The following SPRED2 variants were observed in gnomAD, a reference collection of about 807,000 sequenced individuals.
SPRED2 encodes the protein sprouty-related, EVH1 domain-containing protein 2.
Under a neutral mutation model 43.0 loss-of-function variants are expected in SPRED2, and 47 were observed. That is an observed-to-expected ratio of 1.09 (90% CI 0.87 to 1.40). SPRED2 has a LOEUF of 1.40. SPRED2 is among the 40% of genes most tolerant of loss of function. The pLI is 0.00. For missense variants in SPRED2, 561 were observed against 586.4 expected (o/e 0.96, Z 0.45); for synonymous variants, 225 against 225.7 (o/e 1.00, Z 0.03).
rs534505327 is a variant in SPRED2, at chr2:65,359,045, G to T, written c.27-14149C>A. 3.3e-5 allele frequency among the ~76,000 whole-genome samples: 5 copies of T among 152,326 alleles called. No individual in the cohort carries two copies. The East Asian group carries it at 9.6e-4, about 29-fold the overall frequency. ...TGGCTCTAAAAGGATCCGTACTGAT[G>T]TTATTTTACAAATCCCAACTTAAGT... On this transcript the variant is annotated intron_variant, in intron 1 of 5. Transcript: ENST00000356388.
chr2:65,324,672 G>A (rs1673550703), intron 4 of SPRED2, among the ~76,000 whole-genome samples: 1 of 152,162 alleles, frequency 6.6e-6, no homozygotes, highest in Non-Finnish European at 1.5e-5. Context: ...CCTTCTTCAT[G>A]TAGAAGGCCA....
intron 1 of SPRED2, among the ~76,000 whole-genome samples, chr2:65,348,150 G>A (rs76558438): frequency 0.019 from 2,955 of 152,244 alleles, 89 homozygotes; most frequent in African/African-American, 0.067. Context: ...TGCACTTGCT[G>A]TTTCTTCTGT....
chr2:65,345,259 G>GTTTTTTTTTTTTTTTT (rs66991368), intron 1 of SPRED2, among the ~76,000 whole-genome samples: 9 of 111,366 alleles, frequency 8.1e-5, no homozygotes, highest in East Asian at 7.1e-4. Context: ...TTTAGTTGTT[G>GTTTTTTTTTTTTTTTT]TTTTTTTTTT....
chr2:65,367,533 A>C (rs1240410821), intron 1 of SPRED2, among the ~76,000 whole-genome samples: 1 of 152,054 alleles, frequency 6.6e-6, no homozygotes, highest in Non-Finnish European at 1.5e-5. Flanking sequence ...GCACTTTTCT[A>C]GTTAGGTATA....
intron 1 of SPRED2, among the ~76,000 whole-genome samples, chr2:65,351,125 G>A (rs1019567700): frequency 9.9e-5 from 15 of 152,264 alleles, no homozygotes; most frequent in Admixed American, 7.8e-4. Flanking sequence ...AGTGGGTTTC[G>A]ACTGCCTGCC....
In SPRED2 at chr2:65,311,279, C is replaced by A. The variant is rs1009089767; in HGVS notation, c.*2222G>T. On this transcript the variant is annotated 3_prime_UTR_variant, in exon 6 of 6. Transcript: ENST00000356388. ...ATTAGAGACGTATTTACATAAATGT[C>A]CCCATGGCTGTCTTTGTGCCCTTAA... is the stretch of plus-strand genomic sequence containing the variant. The A allele has an allele frequency of 1.3e-5, 13 of 985,732 alleles. No individual in the cohort carries two copies. Among genetic ancestry groups the A allele is most frequent in the Middle Eastern group, 1.0e-3 (2 of 1,936 alleles). The allele number at this position is 985,732 out of a possible 1,614,324, so 61.1% of individuals were successfully genotyped here. A position where few individuals can be genotyped will look rare whatever the true frequency, so the allele number is the denominator to read the frequency against.
chr2:65,428,045 G>C (rs1007756313), intron 1 of SPRED2, among the ~76,000 whole-genome samples: 2 of 152,156 alleles, frequency 1.3e-5, no homozygotes, highest in Non-Finnish European at 2.9e-5. Flanking sequence ...TTGCTGTCTC[G>C]GGCAACTAAC....
intron 1 of SPRED2, among the ~76,000 whole-genome samples, chr2:65,381,093 A>G (rs1185044404): frequency 6.6e-6 from 1 of 152,282 alleles, no homozygotes; most frequent in Middle Eastern, 3.4e-3. Flanking sequence ...GGTCAAACCA[A>G]ATAGGCAGCC....
chr2:65,404,482 A>C (rs1479067917), intron 1 of SPRED2, among the ~76,000 whole-genome samples: 1 of 152,240 alleles, frequency 6.6e-6, no homozygotes, highest in Non-Finnish European at 1.5e-5. Context: ...CAGTCTCAGT[A>C]ATGAGTTTCT....
intron 1 of SPRED2, chr2:65,380,505 T>C (rs1675347866): frequency 6.6e-6 from 1 of 152,176 alleles, no homozygotes; most frequent in African/African-American, 2.4e-5. Flanking sequence ...AAAAATTCCA[T>C]CCTTACTGTT....
At chr2:65,392,355 T>C (rs1046351049) in intron 1 of SPRED2, among the ~76,000 whole-genome samples, 3 of 151,916 alleles carry the variant, frequency 2.0e-5, no homozygotes, top group Non-Finnish European at 2.9e-5. Context: ...ATTTTAATTT[T>C]TGTAGAGACA....
In SPRED2 at chr2:65,388,732, C is replaced by A. The variant is rs933288308; in HGVS notation, c.26+43230G>T. Among the ~76,000 whole-genome samples, 11 of 151,974 alleles carry A rather than the reference C, an allele frequency of 7.2e-5. No individual in the cohort carries two copies. The East Asian group carries it at 1.2e-3, about 16-fold the overall frequency. Reference sequence around the variant, plus strand: ...ACAGGCACACCACACACACACACACCCCAACTAAAAACACTACTGTTGTGT... The same window carrying A: ...ACAGGCACACCACACACACACACACACCAACTAAAAACACTACTGTTGTGT... On this transcript the variant is annotated intron_variant, in intron 1 of 5. Coordinates refer to ENST00000356388, the MANE Select transcript of SPRED2 (RefSeq NM_181784.3).
intron 1 of SPRED2, among the ~76,000 whole-genome samples, chr2:65,374,598 C>G (rs187795026): frequency 6.6e-6 from 1 of 152,288 alleles, no homozygotes; most frequent in East Asian, 1.9e-4. Context: ...GGATATTTAC[C>G]TGGATGAGAA....
chr2:65,313,889 G>A lies in SPRED2; in HGVS notation c.869C>T (p.Thr290Met), dbSNP rs757985701. ...PKGRGGSVIKTQPSRGKSRRR... is the reference protein window; with the variant it reads ...PKGRGGSVIKMQPSRGKSRRR... ...CCGCGACTTGCCCCGGGAGGGCTGC[G>A]TCTTGATCACGCTGCCCCCGCGGCC... The change falls in exon 6 of 6, where the codon ACG becomes ATG. Residue 290 changes from threonine (T) to methionine (M), a missense_variant. Coordinates refer to ENST00000356388, the MANE Select transcript of SPRED2 (RefSeq NM_181784.3). 3 of 1,610,358 alleles carry A rather than the reference G, an allele frequency of 1.9e-6. No homozygotes were observed. The highest frequency in any genetic ancestry group is 2.7e-5 in the African/African-American group (2 of 75,050).
At chr2:65,353,225 C>A (rs1674559447) in intron 1 of SPRED2, among the ~76,000 whole-genome samples, 1 of 152,168 alleles carries the variant, frequency 6.6e-6, no homozygotes, top group South Asian at 2.1e-4. Flanking sequence ...GTACTGCTGT[C>A]CTGCAAGGTC....
intron 1 of SPRED2, among the ~76,000 whole-genome samples, chr2:65,409,446 C>A (rs896189961): frequency 6.6e-6 from 1 of 152,052 alleles, no homozygotes; most frequent in Non-Finnish European, 1.5e-5. Flanking sequence ...TTTTTTAACA[C>A]CCCTATCAGA....
intron 4 of SPRED2, among the ~76,000 whole-genome samples, chr2:65,327,103 C>T (rs1300249660): frequency 2.0e-5 from 3 of 152,156 alleles, no homozygotes; most frequent in African/African-American, 7.2e-5. Context: ...CCTCCTGCCT[C>T]ACTTGGCCTC....
At chr2:65,334,374 A>G (rs1289952098) in intron 3 of SPRED2, 4 of 619,590 alleles carry the variant, frequency 6.5e-6, no homozygotes, top group Non-Finnish European at 1.2e-5. Context: ...TTTTCACAGC[A>G]GAGTCTAAAA....
At chr2:65,424,716 C>T (rs575050006) in intron 1 of SPRED2, among the ~76,000 whole-genome samples, 1 of 152,226 alleles carries the variant, frequency 6.6e-6, no homozygotes, top group Admixed American at 6.5e-5. Context: ...TCTGGAAGGT[C>T]GAGACAGGAG....
Sources: gnomAD v4.1 joint callset for allele counts (sites outside exome capture counted in the v4.1 genomes callset) on GRCh38, gnomAD v4.1.1 for gene constraint, MANE v1.5 for transcripts, NCBI Gene and HGNC (gene_info 2026-07-23, HGNC 2026-07-21) for gene names.